The following MDGA2 variants were observed in gnomAD, a reference collection of about 807,000 sequenced individuals.
MDGA2 encodes MAM domain-containing glycosylphosphatidylinositol anchor protein 2.
In MDGA2, 40 loss-of-function variants were observed where a neutral mutation model predicts 117.8. The observed-to-expected ratio is 0.34, with a 90% CI of 0.26 to 0.44. The LOEUF (loss-of-function observed/expected upper bound fraction) is 0.44. MDGA2 is among the 20% of genes least tolerant of loss of function. The probability of loss-of-function intolerance (pLI) is 1.00; values close to 1 mark genes in which losing one functional copy is unlikely to be tolerated. For synonymous variants in MDGA2, 452 were observed against 439.0 expected (o/e 1.03, Z -0.37); for missense variants, 1,123 against 1,250.6 (o/e 0.90, Z 1.54).
chr14:47,343,764 CT>C (rs891297214), intron 1 of MDGA2, among the ~76,000 whole-genome samples: 49 of 151,782 alleles, frequency 3.2e-4, no homozygotes, highest in East Asian at 1.9e-4. Context: ...TGCTCTAGGC[CT>C]TTTTTTTCTT....
chr14:46,981,738 CAGAG>C (rs961482259), intron 8 of MDGA2, among the ~76,000 whole-genome samples: 1 of 152,094 alleles, frequency 6.6e-6, no homozygotes, highest in African/African-American at 2.4e-5. Context: ...TTTGATCACA[CAGAG>C]AGAAAGAAGT....
chr14:47,611,503 A>T (rs1454723418), intron 1 of MDGA2, among the ~76,000 whole-genome samples: 1 of 152,084 alleles, frequency 6.6e-6, no homozygotes, highest in African/African-American at 2.4e-5. Context: ...AACTCAAAAA[A>T]AATCAGCAAA....
In MDGA2 at chr14:47,247,243, G is replaced by A. The variant is rs538711305; in HGVS notation, c.421-29048C>T. Among the ~76,000 whole-genome samples, 13 of 151,660 alleles carry A rather than the reference G, an allele frequency of 8.6e-5. 1 individual carries two copies. The highest frequency in any genetic ancestry group is 1.3e-4 in the Non-Finnish European group (9 of 67,702). On this transcript the variant is annotated intron_variant, in intron 2 of 16. Transcript: ENST00000399232. ...AAGGAGTCAACTGTGGAACTCCTCC[G>A]GGTGTGGAGACAGAAATAAAATAAA... is the stretch of plus-strand genomic sequence containing the variant.
intron 8 of MDGA2, among the ~76,000 whole-genome samples, chr14:47,033,261 G>A (rs1305795977): frequency 6.6e-6 from 1 of 152,194 alleles, no homozygotes; most frequent in African/African-American, 2.4e-5. Context: ...ATGGAGAACA[G>A]AGATTCTGAT....
chr14:47,163,287 T>C (rs932528934), intron 3 of MDGA2, among the ~76,000 whole-genome samples: 1 of 152,304 alleles, frequency 6.6e-6, no homozygotes, highest in Middle Eastern at 3.4e-3. Context: ...TTTCCCAACC[T>C]ACCTCTACTA....
chr14:47,157,564 A>T (rs1436645300), intron 3 of MDGA2, among the ~76,000 whole-genome samples: 1 of 151,600 alleles, frequency 6.6e-6, no homozygotes, highest in African/African-American at 2.4e-5. Flanking sequence ...GAAAATAACA[A>T]AGGATATAAA....
intron 1 of MDGA2, among the ~76,000 whole-genome samples, chr14:47,316,157 T>C (rs1013843213): frequency 6.6e-6 from 1 of 152,118 alleles, no homozygotes; most frequent in Non-Finnish European, 1.5e-5. Context: ...TCATGTTATA[T>C]AATTCATATC....
intron 1 of MDGA2, chr14:47,343,182 C>G: frequency 8.8e-7 from 1 of 1,135,820 alleles, no homozygotes; most frequent in Non-Finnish European, 1.1e-6. Context: ...CATTCTGGTA[C>G]AGGCTCAAGC....
chr14:46,984,564 A>G (rs1297646912), intron 8 of MDGA2, among the ~76,000 whole-genome samples: 2 of 151,984 alleles, frequency 1.3e-5, no homozygotes, highest in East Asian at 3.9e-4. Context: ...TCTTGTATCC[A>G]GCTGTCCCCA....
chr14:47,597,366 T>G (rs1344221965), intron 1 of MDGA2, among the ~76,000 whole-genome samples: 1 of 152,160 alleles, frequency 6.6e-6, no homozygotes, highest in African/African-American at 2.4e-5. Context: ...TGAAGTCAAT[T>G]GGGAAAAATA....
chr14:47,363,340 C>T lies in MDGA2; in HGVS notation c.281-61790G>A, dbSNP rs372433039. On this transcript the variant is annotated intron_variant, in intron 1 of 16. Transcript: ENST00000399232. ...TGGCACGATCTCAGCTCACTGCAAC[C>T]TCTGCCTCCCGGGTTCAAGCAATTC... is the stretch of plus-strand genomic sequence containing the variant. Among the ~76,000 whole-genome samples, 12 of 152,222 alleles carry T rather than the reference C, an allele frequency of 7.9e-5. No individual in the cohort carries two copies. The East Asian group carries it at 2.3e-3, about 29-fold the overall frequency.
intron 5 of MDGA2, among the ~76,000 whole-genome samples, chr14:47,109,986 C>A (rs1283419706): frequency 6.6e-6 from 1 of 152,104 alleles, no homozygotes; most frequent in Non-Finnish European, 1.5e-5. Context: ...AAAAAACCTA[C>A]AAACACTGTG....
chr14:47,314,823 CATAA>C (rs1204873623), intron 1 of MDGA2, among the ~76,000 whole-genome samples: 7 of 151,836 alleles, frequency 4.6e-5, no homozygotes, highest in Admixed American at 1.3e-4. Context: ...GTGAAAAATC[CATAA>C]ATAGATTACA....
chr14:47,599,310 G>T (rs1221449523), intron 1 of MDGA2, among the ~76,000 whole-genome samples: 1 of 146,138 alleles, frequency 6.8e-6, no homozygotes, highest in African/African-American at 2.8e-5. Flanking sequence ...TAAGACAAAT[G>T]CTGTTTTTTT....
At chr14:47,260,479 C>T (rs1225596288) in intron 2 of MDGA2, among the ~76,000 whole-genome samples, 1 of 152,012 alleles carries the variant, frequency 6.6e-6, no homozygotes, top group Non-Finnish European at 1.5e-5. Context: ...AAGGTGTGTC[C>T]AGAAGGTGTC....
chr14:46,936,057 TCATA>T (rs1192868811), intron 9 of MDGA2, among the ~76,000 whole-genome samples: 1 of 152,146 alleles, frequency 6.6e-6, no homozygotes, highest in Non-Finnish European at 1.5e-5. Flanking sequence ...ATAAATACAG[TCATA>T]CATATATAAT....
At chr14:47,121,985 G>C (rs1881675455) in intron 5 of MDGA2, among the ~76,000 whole-genome samples, 1 of 151,890 alleles carries the variant, frequency 6.6e-6, no homozygotes, top group South Asian at 2.1e-4. Context: ...AATTCTGTAT[G>C]CCTAAACTTT....
At chr14:47,010,767 A>T (rs1887871390) in intron 8 of MDGA2, among the ~76,000 whole-genome samples, 1 of 152,100 alleles carries the variant, frequency 6.6e-6, no homozygotes. Context: ...TTTTCTAGTC[A>T]TTGAATATAA....
chr14:47,272,729 A>G (rs949735811), intron 2 of MDGA2, among the ~76,000 whole-genome samples: 5 of 152,196 alleles, frequency 3.3e-5, no homozygotes, highest in African/African-American at 1.2e-4. Flanking sequence ...ATTATTGGTA[A>G]CAAATTTCAT....
Sources: allele counts gnomAD v4.1 joint callset (sites outside exome capture counted in the v4.1 genomes callset), GRCh38; gene constraint gnomAD v4.1.1; transcripts MANE v1.5; gene names NCBI Gene and HGNC (gene_info 2026-07-23, HGNC 2026-07-21).